The following BIRC3 variants were observed in gnomAD, a reference collection of about 807,000 sequenced individuals.
The protein encoded by BIRC3 is baculoviral IAP repeat containing 3.
Under a neutral mutation model 59.0 loss-of-function variants are expected in BIRC3, and 26 were observed. The observed-to-expected ratio is 0.44, with a 90% CI of 0.32 to 0.61. The LOEUF (loss-of-function observed/expected upper bound fraction) is 0.61. Ranked by LOEUF, BIRC3 falls within the 20% of genes least tolerant of loss-of-function variation. The pLI, the probability that BIRC3 is intolerant of heterozygous loss-of-function variation, is 0.04. For synonymous variants in BIRC3, 243 were observed against 249.2 expected (o/e 0.98, Z 0.24); for missense variants, 641 against 711.5 (o/e 0.90, Z 1.13).
Position 102,331,233 on chromosome 11 carries a change from A to G in BIRC3, c.1316A>G (p.Lys439Arg), listed in dbSNP as rs571142895. 6.2e-7 allele frequency: 1 copy of G among 1,608,266 alleles called. No homozygotes were observed. Among genetic ancestry groups the G allele is most frequent in the African/African-American group, 1.3e-5 (1 of 74,460 alleles). The change falls in exon 6 of 9, where the codon AAA (lysine) becomes AGA (arginine). Residue 439 changes from lysine to arginine, a missense_variant. By Grantham distance (26) the Lys-to-Arg change is conservative. This residue lies in a region of BIRC3 where 268 missense variants were observed against 255.7 expected (regional missense o/e 1.05). Transcript: ENST00000263464. Reference sequence around the variant, plus strand: ...GAGAGAGAAAGAGCAACTGAGGAAAAAGAATCAAGTATGTAGATTTATTAA... The same window carrying G: ...GAGAGAGAAAGAGCAACTGAGGAAAGAGAATCAAGTATGTAGATTTATTAA... ...EEERERATEEKESNDLLLIRK... is the reference protein window; with the variant it reads ...EEERERATEERESNDLLLIRK...
chr11:102,323,439 A>T lies in BIRC3; in HGVS notation c.-1071A>T, dbSNP rs907404252. The T allele has an allele frequency of 5.3e-6, 1 of 188,728 alleles. No homozygotes were observed. The highest frequency in any genetic ancestry group is 2.3e-5 in the African/African-American group (1 of 42,930). The allele number at this position is 188,728 out of a possible 1,614,324, so 11.7% of individuals were successfully genotyped here. On this transcript the variant is annotated 5_prime_UTR_variant, in exon 2 of 9. Transcript: ENST00000263464. ...TTCTAGCCAAGTATACTATTAGAAT[A>T]AAAAAACTTAACATTGAGTTGCTTC...
Position 102,324,348 on chromosome 11 carries a change from A to T in BIRC3, c.-162A>T. On this transcript the variant is annotated 5_prime_UTR_variant, in exon 2 of 9. It introduces an in-frame stop codon into an upstream open reading frame of the 5' UTR. Transcript: ENST00000263464. ...CTTAAAATGTATCAGTATAGGATTT[A>T]GAATCTCCATGTTGAAACTCTAAAT... 1.4e-6 allele frequency: 1 copy of T among 718,716 alleles called. No homozygotes were observed. The highest frequency in any genetic ancestry group is 2.2e-6 in the Non-Finnish European group (1 of 463,416). 44.5% of individuals were successfully genotyped at this position (718,716 alleles called of 1,614,324 possible).
intron 3 of BIRC3, among the ~76,000 whole-genome samples, chr11:102,326,398 A>T (rs1470761804): frequency 6.6e-6 from 1 of 152,182 alleles, no homozygotes; most frequent in African/African-American, 2.4e-5. Flanking sequence ...TTGATTGTTT[A>T]ACTGGCCACC....
intron 6 of BIRC3, among the ~76,000 whole-genome samples, chr11:102,335,336 T>A (rs2081299565): frequency 6.6e-6 from 1 of 152,250 alleles, no homozygotes; most frequent in African/African-American, 2.4e-5. Flanking sequence ...CTTTCCCCAA[T>A]TTGACTAGAT....
chr11:102,328,880 A>ATTTTT lies in BIRC3; in HGVS notation c.1033-11_1033-7dup, dbSNP rs762000514. ...AATTTATATATATATATATATATATATTTTTTTTTTCTGCAGCTGCTATCC... is the reference window on the plus strand; with the variant it reads ...AATTTATATATATATATATATATATATTTTTTTTTTTTTTTCTGCAGCTGCTATCC... On this transcript the variant is annotated splice_polypyrimidine_tract_variant and intron_variant, in intron 4 of 8. Coordinates refer to ENST00000263464, the MANE Select transcript of BIRC3 (RefSeq NM_001165.5). 21 of 426,300 alleles carry ATTTTT rather than the reference A, an allele frequency of 4.9e-5. No homozygotes were observed. The highest frequency in any genetic ancestry group is 2.6e-4 in the South Asian group (3 of 11,592). The allele number at this position is 426,300 out of a possible 1,614,324, so 26.4% of individuals were successfully genotyped here.
intron 1 of BIRC3, among the ~76,000 whole-genome samples, chr11:102,319,034 T>C (rs1340660786): frequency 1.3e-5 from 2 of 148,308 alleles, no homozygotes; most frequent in East Asian, 4.0e-4. Context: ...AAAGTGTGGT[T>C]GAAAGAGGAT....
intron 7 of BIRC3, 93 bp from the exon 8 acceptor site, chr11:102,336,667 G>A (rs1951199532): frequency 8.6e-7 from 1 of 1,162,264 alleles, no homozygotes; most frequent in Non-Finnish European, 1.2e-6. Context: ...TGAGTATTTG[G>A]CTATAGTCTA....
rs1470176627 is a variant in BIRC3, at chr11:102,326,400, C to G, written c.953+835C>G. 7.9e-5 allele frequency among the ~76,000 whole-genome samples: 12 copies of G among 152,312 alleles called. No homozygotes were observed. The South Asian group carries it at 1.4e-3, about 18-fold the overall frequency. ...ATGTGTTACCCTTTTGATTGTTTAA[C>G]TGGCCACCTAGTGTTCTAGTTAATC... is the stretch of plus-strand genomic sequence containing the variant. On this transcript the variant is annotated intron_variant, in intron 3 of 8. Transcript: ENST00000263464.
In BIRC3 at chr11:102,328,867, TATATATATATATA is replaced by T; in HGVS notation, c.1033-29_1033-17del. On this transcript the variant is annotated splice_polypyrimidine_tract_variant and intron_variant, in intron 4 of 8. Transcript: ENST00000263464. ...AGATTTCTATTTTAATTTATATATA[TATATATATATATA>T]TTTTTTTTTTCTGCAGCTGCTATCC... 1.3e-6 allele frequency: 1 copy of T among 767,768 alleles called. No homozygotes were observed. Among genetic ancestry groups the T allele is most frequent in the Non-Finnish European group, 1.7e-6 (1 of 573,710 alleles). 47.6% of individuals were successfully genotyped at this position (767,768 alleles called of 1,614,324 possible).
At chr11:102,328,584 G>A (rs538287820) in intron 4 of BIRC3, among the ~76,000 whole-genome samples, 1 of 152,054 alleles carries the variant, frequency 6.6e-6, no homozygotes, top group Non-Finnish European at 1.5e-5. Context: ...GGGTAGGTAA[G>A]ACCTGTGGAT....
At chr11:102,330,592 A>G (rs1951128730) in intron 5 of BIRC3, among the ~76,000 whole-genome samples, 1 of 152,216 alleles carries the variant, frequency 6.6e-6, no homozygotes, top group Non-Finnish European at 1.5e-5. Context: ...TTGAGAATGA[A>G]TTCCAAGGAA....
In BIRC3 at chr11:102,336,122, A is replaced by G; in HGVS notation, c.1481A>G (p.Glu494Gly). 1 of 1,613,910 alleles carries G rather than the reference A, an allele frequency of 6.2e-7. No homozygotes were observed. Among genetic ancestry groups the G allele is most frequent in the Non-Finnish European group, 8.5e-7 (1 of 1,179,910 alleles). Residue 494 changes from glutamate (E) to glycine (G), a missense_variant, in exon 7 of 9, where the codon GAA becomes GGA. By Grantham distance (98) the Glu-to-Gly change is moderately conservative (BLOSUM62 -2). This residue lies in a region of BIRC3 where 268 missense variants were observed against 255.7 expected (regional missense o/e 1.05). Coordinates refer to ENST00000263464, the MANE Select transcript of BIRC3 (RefSeq NM_001165.5). ...QKTQTSLQARELIDTILVKGN... is the reference protein window; with the variant it reads ...QKTQTSLQARGLIDTILVKGN... ...ACACAGACGTCTTTACAAGCAAGAG[A>G]ACTGATTGATACGATTTTAGTAAAA...
chr11:102,330,066 A>G (rs1308335621), intron 5 of BIRC3, among the ~76,000 whole-genome samples: 1 of 152,226 alleles, frequency 6.6e-6, no homozygotes, highest in African/African-American at 2.4e-5. Context: ...GTGTAATATG[A>G]GAGTGCATAT....
Position 102,338,887 on chromosome 11 carries a change from G to A in BIRC3, c.*1785G>A. On this transcript the variant is annotated 3_prime_UTR_variant, in exon 9 of 9. Coordinates refer to ENST00000263464, the MANE Select transcript of BIRC3 (RefSeq NM_001165.5). ...CAGGGAGAATGAGGCTGAGACAGGAGGGCAGGATAACATCAGAGAAAAACT... is the reference window on the plus strand; with the variant it reads ...CAGGGAGAATGAGGCTGAGACAGGAAGGCAGGATAACATCAGAGAAAAACT... The A allele has an allele frequency of 1.3e-5, 3 of 222,372 alleles. No homozygotes were observed. The highest frequency in any genetic ancestry group is 2.7e-5 in the Non-Finnish European group (3 of 111,224). The allele number at this position is 222,372 out of a possible 1,614,324, so 13.8% of individuals were successfully genotyped here. A position where few individuals can be genotyped will look rare whatever the true frequency, so the allele number is the denominator to read the frequency against.
intron 4 of BIRC3, 57 bp downstream of exon 4, chr11:102,328,187 A>C: frequency 7.7e-7 from 1 of 1,302,610 alleles, no homozygotes; most frequent in Non-Finnish European, 1.1e-6. Context: ...GCTTTCTGAT[A>C]ATTACAGAGA....
Position 102,339,342 on chromosome 11 carries a change from T to C in BIRC3, c.*2240T>C, listed in dbSNP as rs1030226031. ...AACCAACCCATTTATTCAAATATGT[T>C]ATTTCCCTAAGTGTTATTTTGACAT... is the stretch of plus-strand genomic sequence containing the variant. On this transcript the variant is annotated 3_prime_UTR_variant, in exon 9 of 9. Transcript: ENST00000263464. 3 of 179,886 alleles carry C rather than the reference T, an allele frequency of 1.7e-5. No homozygotes were observed. The highest frequency in any genetic ancestry group is 3.6e-5 in the Non-Finnish European group (3 of 84,072). 11.1% of individuals were successfully genotyped at this position (179,886 alleles called of 1,614,324 possible).
rs948381206 is a variant in BIRC3, at chr11:102,332,541, G to GC, written c.1324+1307dup. 4.0e-5 allele frequency among the ~76,000 whole-genome samples: 6 copies of GC among 151,812 alleles called. No individual in the cohort carries two copies. The East Asian group carries it at 9.7e-4, about 24-fold the overall frequency. On this transcript the variant is annotated intron_variant, in intron 6 of 8. Coordinates refer to ENST00000263464, the MANE Select transcript of BIRC3 (RefSeq NM_001165.5). Reference sequence around the variant, plus strand: ...AATGTTTTCCTTTATCAAAATTCAGGCCCCCCCAATATTCATAAAGCTCAG... The same window carrying GC: ...AATGTTTTCCTTTATCAAAATTCAGGCCCCCCCCAATATTCATAAAGCTCAG...
rs757753179 is a variant in BIRC3 at position 102,335,983 on chromosome 11, C to T, written c.1342C>T (p.Arg448Trp). The T allele has an allele frequency of 1.4e-5, 22 of 1,605,318 alleles. No individual in the cohort carries two copies. The highest frequency in any genetic ancestry group is 6.7e-5 in the East Asian group (3 of 44,744). Residue 448 changes from arginine to tryptophan, a missense_variant, in exon 7 of 9, where the codon CGG becomes TGG. Around this residue, in one of 4 missense-constraint regions of BIRC3, gnomAD observed 268 missense variants for 255.7 expected, o/e 1.05. Transcript: ENST00000263464. ...EKESNDLLLI[R>W]KNRMALFQHL... Reference sequence around the variant, plus strand: ...TTATAAAGATGATTTATTATTAATCCGGAAGAATAGAATGGCACTTTTTCA... The same window carrying T: ...TTATAAAGATGATTTATTATTAATCTGGAAGAATAGAATGGCACTTTTTCA...
At chr11:102,332,040 A>G (rs1215309364) in intron 6 of BIRC3, among the ~76,000 whole-genome samples, 4 of 152,216 alleles carry the variant, frequency 2.6e-5, no homozygotes, top group African/African-American at 9.6e-5. Flanking sequence ...TGTCCACACA[A>G]GAACTGAGTC....
Sources: gnomAD v4.1 joint callset for allele counts (sites outside exome capture counted in the v4.1 genomes callset) on GRCh38, gnomAD v4.1.1 for gene constraint, gnomAD v4.1.1 regional missense constraint, MANE v1.5 for transcripts, NCBI Gene and HGNC (gene_info 2026-07-23, HGNC 2026-07-21) for gene names.